The following FGF14 variants were observed in gnomAD, a reference collection of about 807,000 sequenced individuals.
FGF14 encodes the protein fibroblast growth factor 14.
In FGF14, 5 loss-of-function variants were observed where a neutral mutation model predicts 25.5. That is an observed-to-expected ratio of 0.20 (90% CI 0.10 to 0.41). The LOEUF is 0.41. Ranked by LOEUF, FGF14 falls within the 10% of genes least tolerant of loss-of-function variation. The pLI is 1.00. For missense variants in FGF14, 222 were observed against 320.1 expected, an observed-to-expected ratio of 0.69 and a Z score of 2.34; for synonymous variants, 138 against 118.3, an observed-to-expected ratio of 1.17 and a Z score of -1.08.
At position 101,718,077 on chromosome 13, in the gene FGF14, G is replaced by A. The variant is rs1038839745; in HGVS notation, c.*4754C>T. On this transcript the variant is annotated 3_prime_UTR_variant, in exon 5 of 5. Coordinates refer to ENST00000376143, the MANE Select transcript of FGF14 (RefSeq NM_004115.4). ...AATTTTGGACAAAGATGAAAATATA[G>A]TCAGCTCTGTTCTAGTGTTCATTTA... The A allele has an allele frequency of 1.3e-5, 2 of 152,204 alleles. 1 individual carries two copies. The highest frequency in any genetic ancestry group is 6.8e-3 in the Middle Eastern group (2 of 294). 9.4% of individuals were successfully genotyped at this position (152,204 alleles called of 1,614,324 possible).
intron 1 of FGF14, among the ~76,000 whole-genome samples, chr13:102,082,395 C>A (rs2043668034): frequency 6.6e-6 from 1 of 152,152 alleles, no homozygotes; most frequent in African/African-American, 2.4e-5. Context: ...ATAGAACTGG[C>A]ATTCTCCAAA....
intron 3 of FGF14, among the ~76,000 whole-genome samples, chr13:101,800,679 G>A (rs2040822090): frequency 6.6e-6 from 1 of 152,094 alleles, no homozygotes; most frequent in African/African-American, 2.4e-5. Flanking sequence ...ATATTTTGTT[G>A]AAGGAGACAG....
At chr13:101,740,677 G>GT (rs2036492447) in intron 3 of FGF14, among the ~76,000 whole-genome samples, 1 of 151,982 alleles carries the variant, frequency 6.6e-6, no homozygotes, top group Non-Finnish European at 1.5e-5. Flanking sequence ...AAAAAAAAGC[G>GT]TAAGAGTATA....
At chr13:102,149,465 C>T (rs2046989346) in intron 1 of FGF14, among the ~76,000 whole-genome samples, 1 of 152,166 alleles carries the variant, frequency 6.6e-6, no homozygotes, top group Non-Finnish European at 1.5e-5. Context: ...AAGACCCTGA[C>T]ATCACACTCA....
chr13:101,918,071 G>A (rs1352802294), upstream of FGF14, among the ~76,000 whole-genome samples: 4 of 151,460 alleles, frequency 2.6e-5, no homozygotes, highest in Admixed American at 2.0e-4. Flanking sequence ...AACTGTGTCT[G>A]AAATTCAAAT....
At chr13:102,244,984 C>T (rs895456496) in intron 1 of FGF14, among the ~76,000 whole-genome samples, 4 of 152,114 alleles carry the variant, frequency 2.6e-5, no homozygotes, top group Non-Finnish European at 4.4e-5. Flanking sequence ...ATGGAAACTA[C>T]TAACTACCTC....
intron 3 of FGF14, among the ~76,000 whole-genome samples, chr13:101,810,461 T>G (rs542468704): frequency 2.1e-4 from 32 of 152,238 alleles, no homozygotes; most frequent in Non-Finnish European, 3.1e-4. Context: ...CTCTATTTGA[T>G]GCATTAGATG....
chr13:101,927,483 TTTCAGA>T (rs2034444931), intron 1 of FGF14, among the ~76,000 whole-genome samples: 1 of 152,106 alleles, frequency 6.6e-6, no homozygotes, highest in Non-Finnish European at 1.5e-5. Flanking sequence ...GCAGGACAAG[TTTCAGA>T]TTCATTTATG....
Position 102,400,487 on chromosome 13 carries a change from C to G in FGF14, c.208+984G>C, listed in dbSNP as rs2139292070. Among the ~76,000 whole-genome samples, 1 of 152,348 alleles carries G rather than the reference C, an allele frequency of 6.6e-6. No homozygotes were observed. Among genetic ancestry groups the G allele is most frequent in the African/African-American group, 2.4e-5 (1 of 41,582 alleles). On this transcript the variant is annotated intron_variant, in intron 1 of 4. Coordinates refer to the FGF14 transcript ENST00000376131. This position sits in a 1 kb window ranked among gnomAD's most constrained non-coding sequence, Gnocchi z 4.3. ...GCCTCCTCGCCAGCGCCGCCGCCAC[C>G]ACCATGCAGCCCTCCAGCCTGCCTC...
intron 3 of FGF14, among the ~76,000 whole-genome samples, chr13:101,831,698 T>C (rs1311747465): frequency 1.3e-5 from 2 of 152,120 alleles, no homozygotes; most frequent in Non-Finnish European, 2.9e-5. Flanking sequence ...AGACTCTGCA[T>C]AGATCTTTGC....
chr13:101,781,919 A>G (rs1445767843), intron 3 of FGF14, among the ~76,000 whole-genome samples: 1 of 152,220 alleles, frequency 6.6e-6, no homozygotes, highest in East Asian at 1.9e-4. Context: ...AAAGCCTACT[A>G]TGCTTTCATT....
At chr13:102,333,342 C>A (rs1355371949) in intron 1 of FGF14, among the ~76,000 whole-genome samples, 1 of 152,136 alleles carries the variant, frequency 6.6e-6, no homozygotes, top group Non-Finnish European at 1.5e-5. Flanking sequence ...CATAGATCTG[C>A]AAGCAAGGTA....
At chr13:101,731,235 G>T (rs2035791757) in intron 3 of FGF14, among the ~76,000 whole-genome samples, 1 of 152,118 alleles carries the variant, frequency 6.6e-6, no homozygotes, top group Admixed American at 6.5e-5. Flanking sequence ...TCTAAAACTG[G>T]CAGTGATAAT....
In FGF14 at chr13:101,713,749, GT is replaced by G. The variant is rs1566804513; in HGVS notation, c.*9081del. 6.6e-6 allele frequency: 1 copy of G among 152,100 alleles called. No homozygotes were observed. Among genetic ancestry groups the G allele is most frequent in the Non-Finnish European group, 1.5e-5 (1 of 68,028 alleles). 9.4% of individuals were successfully genotyped at this position (152,100 alleles called of 1,614,324 possible). On this transcript the variant is annotated 3_prime_UTR_variant, in exon 5 of 5. Transcript: ENST00000376143. ...GATATTTTAAATAACCAAAGAGGAA[GT>G]TTTTTAGTTAGGTAGGAGAAATGGG...
At position 102,289,854 on chromosome 13, in the gene FGF14, T is replaced by C. The variant is rs574487357; in HGVS notation, c.208+111617A>G. Among the ~76,000 whole-genome samples, 31 of 152,216 alleles carry C rather than the reference T, an allele frequency of 2.0e-4. No homozygotes were observed. In the South Asian group the frequency reaches 6.2e-3, roughly 31 times the overall value. On this transcript the variant is annotated intron_variant, in intron 1 of 4. Coordinates refer to the FGF14 transcript ENST00000376131. ...CTTAATACCATGGTTACCTTGTTCG[T>C]GTGTGAATGATTTTTTTGGTCTCTC...
chr13:102,244,892 C>T (rs1055636835), intron 1 of FGF14, among the ~76,000 whole-genome samples: 3 of 151,880 alleles, frequency 2.0e-5, no homozygotes, highest in African/African-American at 7.3e-5. Context: ...TGTGTTTAAA[C>T]CCGGAAATGA....
At chr13:102,302,264 C>G (rs2138581529) in intron 1 of FGF14, among the ~76,000 whole-genome samples, 1 of 152,272 alleles carries the variant, frequency 6.6e-6, no homozygotes, top group South Asian at 2.1e-4. Flanking sequence ...TCAGTTACAT[C>G]TCACTTGATC....
intron 1 of FGF14, among the ~76,000 whole-genome samples, chr13:102,364,450 TGA>T (rs2057653277): frequency 6.6e-6 from 1 of 152,216 alleles, no homozygotes; most frequent in Non-Finnish European, 1.5e-5. Flanking sequence ...TTCTACAGAC[TGA>T]GTTTGTTCAG....
At chr13:101,899,636 G>T (rs1006527580) in intron 1 of FGF14, among the ~76,000 whole-genome samples, 1 of 151,974 alleles carries the variant, frequency 6.6e-6, no homozygotes, top group African/African-American at 2.4e-5. Context: ...ACCAAAGAAA[G>T]CTGGTGTTAT....
Sources: gnomAD v4.1 joint callset for allele counts (sites outside exome capture counted in the v4.1 genomes callset) on GRCh38, gnomAD v4.1.1 for gene constraint, Gnocchi (gnomAD v3.1) non-coding constraint, MANE v1.5 for transcripts, NCBI Gene and HGNC (gene_info 2026-07-23, HGNC 2026-07-21) for gene names.